CXADR: variants seen among roughly 807,000 people sequenced by gnomAD.
The protein encoded by CXADR is coxsackievirus and adenovirus receptor.
CXADR carries 20 observed loss-of-function variants against 40.3 expected under a neutral mutation model. The observed-to-expected ratio is 0.50, with a 90% CI of 0.35 to 0.72. The LOEUF (loss-of-function observed/expected upper bound fraction) is 0.72. Ranked by LOEUF, CXADR falls within the 30% of genes least tolerant of loss-of-function variation. CXADR has a pLI of 0.01. For synonymous variants in CXADR, 150 were observed against 161.3 expected (o/e 0.93, Z 0.53); for missense variants, 332 against 449.1 (o/e 0.74, Z 2.36).
At chr21:17,599,947 T>C in the CXADR span, among the ~76,000 whole-genome samples, 1 of 152,344 alleles carries the variant, frequency 6.6e-6, no homozygotes, top group South Asian at 2.1e-4. Context: ...AGAAAAAAGA[T>C]AGTTGTTGAA....
chr21:17,554,049 T>A (rs1429285212), intron 3 of CXADR, among the ~76,000 whole-genome samples: 1 of 152,242 alleles, frequency 6.6e-6, no homozygotes, highest in Non-Finnish European at 1.5e-5. Context: ...GTTCATGATA[T>A]GCGAAGCAGA....
At chr21:17,549,735 C>G (rs1343588932) in intron 2 of CXADR, among the ~76,000 whole-genome samples, 1 of 152,128 alleles carries the variant, frequency 6.6e-6, no homozygotes, top group Non-Finnish European at 1.5e-5. Context: ...TCTCAAGCCC[C>G]CCTTAAAGGA....
At chr21:17,621,210 T>C in the CXADR span, among the ~76,000 whole-genome samples, 1 of 152,344 alleles carries the variant, frequency 6.6e-6, no homozygotes, top group South Asian at 2.1e-4. Flanking sequence ...AATAGCATTT[T>C]CTTACAGGCA....
intron 1 of CXADR, among the ~76,000 whole-genome samples, chr21:17,534,930 A>T (rs1183565209): frequency 6.6e-6 from 1 of 151,684 alleles, no homozygotes; most frequent in Non-Finnish European, 1.5e-5. Context: ...GATTACAGGC[A>T]CATGCCACCA....
chr21:17,568,853 T>G lies in CXADR; in HGVS notation c.*3161T>G, dbSNP rs2061249566. 1.0e-6 allele frequency: 1 copy of G among 985,438 alleles called. No homozygotes were observed. Among genetic ancestry groups the G allele is most frequent in the African/African-American group, 1.7e-5 (1 of 57,360 alleles). The allele number at this position is 985,438 out of a possible 1,614,324, so 61.0% of individuals were successfully genotyped here. A position where few individuals can be genotyped will look rare whatever the true frequency, so the allele number is the denominator to read the frequency against. On this transcript the variant is annotated 3_prime_UTR_variant, in exon 7 of 7. Transcript: ENST00000284878. ...ATTATTCTGGACAAATTGCTTCTTT[T>G]TAATTTGAGCTATCTGCCATGGACT...
chr21:17,575,635 T>C (rs757334978), intron 7 of CXADR, among the ~76,000 whole-genome samples: 1 of 151,516 alleles, frequency 6.6e-6, no homozygotes, highest in Non-Finnish European at 1.5e-5. Flanking sequence ...GGACTACAGG[T>C]GTCCACTACC....
intron 1 of CXADR, among the ~76,000 whole-genome samples, chr21:17,532,313 CCTATT>C (rs551907123): frequency 4.6e-5 from 7 of 152,080 alleles, no homozygotes; most frequent in African/African-American, 9.7e-5. Context: ...TTTAACGTCT[CCTATT>C]CTATTTGCTT....
rs532826934 is a variant in CXADR, at chr21:17,587,139, T to C, written c.1018-6013T>C. Among the ~76,000 whole-genome samples, 8 of 152,342 alleles carry C rather than the reference T, an allele frequency of 5.3e-5. No homozygotes were observed. In the East Asian group the frequency reaches 7.7e-4, roughly 15 times the overall value. ...ACATTTTCTTAATCCAGTCTATCAT[T>C]GTTGGACATGTGGGTTGGTTCCAAG... On this transcript the variant is annotated intron_variant, in intron 7 of 7. Coordinates refer to the CXADR transcript ENST00000400169.
rs376517630 is a variant in CXADR at position 17,569,758 on chromosome 21, C to T, written c.*4066C>T. The stretch of plus-strand genomic sequence containing the variant: ...ATCAGTTGGGTTTGGTTTTGGTCAT[C>T]GAGACTAAAAGCTCCATCAAAACAG... On this transcript the variant is annotated 3_prime_UTR_variant, in exon 7 of 7. Coordinates refer to ENST00000284878, the MANE Select transcript of CXADR (RefSeq NM_001338.5). 4.4e-4 allele frequency: 429 copies of T among 984,080 alleles called. 8 individuals carry two copies. The South Asian group carries it at 0.016, about 36-fold the overall frequency. 61.0% of individuals were successfully genotyped at this position (984,080 alleles called of 1,614,324 possible). A position where few individuals can be genotyped will look rare whatever the true frequency, so the allele number is the denominator to read the frequency against.
chr21:17,515,257 C>T (rs1470671638), intron 1 of CXADR, among the ~76,000 whole-genome samples: 7 of 151,676 alleles, frequency 4.6e-5, no homozygotes, highest in South Asian at 2.1e-4. Context: ...ATGGCGAGAC[C>T]GCATTTCTAC....
downstream of CXADR, among the ~76,000 whole-genome samples, chr21:17,573,241 A>T (rs577710710): frequency 6.6e-6 from 1 of 152,092 alleles, no homozygotes; most frequent in Non-Finnish European, 1.5e-5. Flanking sequence ...ATATAAGCGC[A>T]TCTCAACTAA....
chr21:17,585,322 T>TA (rs897058957), intron 7 of CXADR, among the ~76,000 whole-genome samples: 7 of 152,114 alleles, frequency 4.6e-5, no homozygotes, highest in African/African-American at 1.7e-4. Flanking sequence ...CATGAAACTA[T>TA]AAAAAATCAT....
At chr21:17,527,535 C>T (rs1449804339) in intron 1 of CXADR, among the ~76,000 whole-genome samples, 1 of 152,158 alleles carries the variant, frequency 6.6e-6, no homozygotes, top group African/African-American at 2.4e-5. Context: ...ATGAGTAACA[C>T]ACCATTCTAG....
the CXADR span, among the ~76,000 whole-genome samples, chr21:17,630,054 A>G: frequency 6.6e-6 from 1 of 152,158 alleles, no homozygotes; most frequent in Non-Finnish European, 1.5e-5. Context: ...TGTTGGATGT[A>G]GTTGGGACAT....
chr21:17,562,301 T>C (rs2061134489), intron 6 of CXADR, among the ~76,000 whole-genome samples: 1 of 151,036 alleles, frequency 6.6e-6, no homozygotes, highest in Non-Finnish European at 1.5e-5. Context: ...TGGCAATTTC[T>C]TTCTTTGGTT....
the CXADR span, among the ~76,000 whole-genome samples, chr21:17,615,567 A>G: frequency 1.3e-5 from 2 of 152,230 alleles, no homozygotes; most frequent in South Asian, 2.1e-4. Context: ...ATGTGAATGT[A>G]TGCTCGCTCT....
chr21:17,586,475 A>G (rs1471445339), intron 7 of CXADR, among the ~76,000 whole-genome samples: 1 of 148,488 alleles, frequency 6.7e-6, no homozygotes, highest in Non-Finnish European at 1.5e-5. Context: ...ATTTATTTTT[A>G]TTCTTGGTAA....
downstream of CXADR, among the ~76,000 whole-genome samples, chr21:17,598,419 T>C (rs2123436404): frequency 6.6e-6 from 1 of 152,302 alleles, no homozygotes; most frequent in African/African-American, 2.4e-5. Flanking sequence ...TATTGTATAG[T>C]GAAGCTGACC....
At chr21:17,572,371 CAAA>C (rs71333562), downstream of CXADR, among the ~76,000 whole-genome samples, 2 of 143,246 alleles carry the variant, frequency 1.4e-5, no homozygotes, top group African/African-American at 5.2e-5. Context: ...GACTCCGTCT[CAAA>C]AAAAAAAAAG....
Sources: allele counts gnomAD v4.1 joint callset (sites outside exome capture counted in the v4.1 genomes callset), GRCh38; gene constraint gnomAD v4.1.1; transcripts MANE v1.5; gene names NCBI Gene and HGNC (gene_info 2026-07-23, HGNC 2026-07-21).